The following NPAS3 variants were observed in gnomAD, a reference collection of about 807,000 sequenced individuals.
NPAS3 encodes neuronal PAS domain protein 3.
NPAS3 carries 14 observed loss-of-function variants against 73.1 expected under a neutral mutation model. The ratio of observed to expected loss-of-function variants is 0.19; its 90% CI spans 0.13 to 0.30. The LOEUF is 0.30. Ranked by LOEUF, NPAS3 falls within the 10% of genes least tolerant of loss-of-function variation. The probability of loss-of-function intolerance (pLI) is 1.00; values close to 1 mark genes in which losing one functional copy is unlikely to be tolerated. For synonymous variants in NPAS3, 620 were observed against 541.5 expected, an observed-to-expected ratio of 1.14 and a Z score of -2.01; for missense variants, 1,096 against 1,250.0, an observed-to-expected ratio of 0.88 and a Z score of 1.86.
chr14:33,752,910 G>T (rs1398961542), intron 7 of NPAS3, among the ~76,000 whole-genome samples: 1 of 151,764 alleles, frequency 6.6e-6, no homozygotes, highest in Non-Finnish European at 1.5e-5. Context: ...CCATAATATG[G>T]GCACTTAGCA....
intron 2 of NPAS3, among the ~76,000 whole-genome samples, chr14:33,101,468 T>C (rs954731163): frequency 6.6e-6 from 1 of 152,204 alleles, no homozygotes; most frequent in Non-Finnish European, 1.5e-5. Context: ...GTTTGCTGAT[T>C]GTACATGTAG....
intron 4 of NPAS3, among the ~76,000 whole-genome samples, chr14:33,411,921 T>C: frequency 6.6e-6 from 1 of 152,282 alleles, no homozygotes; most frequent in East Asian, 1.9e-4. Context: ...GGTACTTTCA[T>C]GGCAGGCCAC....
chr14:33,225,245 G>C (rs2047584641), intron 3 of NPAS3, among the ~76,000 whole-genome samples: 1 of 152,210 alleles, frequency 6.6e-6, no homozygotes, highest in Non-Finnish European at 1.5e-5. Flanking sequence ...TATTGCCATA[G>C]AGAGTCATAC....
chr14:33,648,908 G>GC (rs563722754), intron 5 of NPAS3, among the ~76,000 whole-genome samples: 4 of 152,226 alleles, frequency 2.6e-5, no homozygotes, highest in East Asian at 1.9e-4. Flanking sequence ...GCCTTGTGCT[G>GC]CCCCCCAGAA....
intron 5 of NPAS3, among the ~76,000 whole-genome samples, chr14:33,588,926 A>AT (rs1229024848): frequency 2.6e-5 from 4 of 152,096 alleles, no homozygotes; most frequent in Non-Finnish European, 4.4e-5. Flanking sequence ...TGGCCCATAG[A>AT]TTTTTTATGA....
At chr14:32,984,427 A>G (rs923658755) in intron 1 of NPAS3, among the ~76,000 whole-genome samples, 1 of 152,220 alleles carries the variant, frequency 6.6e-6, no homozygotes, top group African/African-American at 2.4e-5. Flanking sequence ...AGTAAGAGGG[A>G]AAGAGATGAA....
chr14:33,548,877 A>G (rs531325904), intron 4 of NPAS3, among the ~76,000 whole-genome samples: 2 of 152,284 alleles, frequency 1.3e-5, no homozygotes, highest in East Asian at 3.9e-4. Context: ...TGTTGATAGC[A>G]CTCTGGAACA....
chr14:33,042,435 T>A (rs943467716), intron 1 of NPAS3, among the ~76,000 whole-genome samples: 10 of 152,280 alleles, frequency 6.6e-5, no homozygotes, highest in Admixed American at 2.0e-4. Context: ...ACCAGGTATA[T>A]AAGGAATTTT....
intron 5 of NPAS3, among the ~76,000 whole-genome samples, chr14:33,582,968 G>C (rs1403746994): frequency 1.9e-5 from 1 of 53,464 alleles, no homozygotes; most frequent in East Asian, 2.6e-4. Flanking sequence ...GATATTTAAA[G>C]GGTTTTTTTT....
intron 4 of NPAS3, among the ~76,000 whole-genome samples, chr14:33,531,293 C>A (rs1359774884): frequency 6.6e-6 from 1 of 152,034 alleles, no homozygotes; most frequent in Non-Finnish European, 1.5e-5. Context: ...TGTAACCACC[C>A]ATCACAATCT....
chr14:33,672,711 A>C (rs1261598149), intron 5 of NPAS3, among the ~76,000 whole-genome samples: 1 of 152,200 alleles, frequency 6.6e-6, no homozygotes, highest in Non-Finnish European at 1.5e-5. Flanking sequence ...GAAAAAAAAA[A>C]AAAAATCAGA....
chr14:33,694,230 A>T (rs2060312511), intron 6 of NPAS3, among the ~76,000 whole-genome samples: 2 of 152,300 alleles, frequency 1.3e-5, no homozygotes, highest in South Asian at 4.1e-4. Context: ...TGATTAAAAA[A>T]AGTTTTATTC....
At chr14:33,334,965 A>T (rs998960578) in intron 3 of NPAS3, among the ~76,000 whole-genome samples, 19 of 151,990 alleles carry the variant, frequency 1.3e-4, no homozygotes, top group African/African-American at 4.1e-4. Flanking sequence ...TAACAGTCTC[A>T]AATTCCATCC....
At chr14:33,476,138 T>A (rs1210039645) in intron 4 of NPAS3, among the ~76,000 whole-genome samples, 1 of 152,256 alleles carries the variant, frequency 6.6e-6, no homozygotes, top group Non-Finnish European at 1.5e-5. Context: ...TAATACGTTG[T>A]TGGTTTTTAT....
intron 6 of NPAS3, among the ~76,000 whole-genome samples, chr14:33,734,400 C>T (rs928637360): frequency 4.6e-5 from 7 of 152,220 alleles, no homozygotes; most frequent in East Asian, 1.9e-4. Flanking sequence ...ATCAGCAAGA[C>T]GGCAAACTAC....
chr14:33,360,017 G>T (rs1321101444), intron 3 of NPAS3, among the ~76,000 whole-genome samples: 2 of 152,218 alleles, frequency 1.3e-5, no homozygotes, highest in African/African-American at 2.4e-5. Flanking sequence ...AATGTGTTCA[G>T]GCTTGGAGCC....
intron 4 of NPAS3, among the ~76,000 whole-genome samples, chr14:33,425,001 T>A (rs564551012): frequency 6.6e-6 from 1 of 152,026 alleles, no homozygotes; most frequent in East Asian, 1.9e-4. Context: ...GAATTAGCAG[T>A]GATAGAGATG....
intron 3 of NPAS3, among the ~76,000 whole-genome samples, chr14:33,291,871 C>T (rs567274028): frequency 4.7e-4 from 71 of 152,330 alleles, no homozygotes; most frequent in African/African-American, 1.6e-3. Flanking sequence ...TCACTTCTAC[C>T]AGAGGCAGCC....
chr14:33,623,557 CTCTT>C (rs1249927800), intron 5 of NPAS3, among the ~76,000 whole-genome samples: 2 of 152,196 alleles, frequency 1.3e-5, no homozygotes, highest in Non-Finnish European at 2.9e-5. Context: ...TCTGCTTTCT[CTCTT>C]GCCTCCCGAC....
Sources: gnomAD v4.1 joint callset for allele counts (sites outside exome capture counted in the v4.1 genomes callset) on GRCh38, gnomAD v4.1.1 for gene constraint, MANE v1.5 for transcripts, NCBI Gene and HGNC (gene_info 2026-07-23, HGNC 2026-07-21) for gene names.